Variants in SCD5 observed in about 807,000 individuals in gnomAD.
The protein encoded by SCD5 is stearoyl-CoA desaturase 5, also known as acyl-CoA-desaturase 4.
Under a neutral mutation model 30.4 loss-of-function variants are expected in SCD5, and 20 were observed. The observed-to-expected ratio is 0.66, with a 90% CI of 0.46 to 0.96. The LOEUF (loss-of-function observed/expected upper bound fraction) is 0.96. SCD5 is among the 40% of genes least tolerant of loss of function. The pLI, the probability that SCD5 is intolerant of heterozygous loss-of-function variation, is 0.00. For synonymous variants in SCD5, 173 were observed against 176.4 expected, an observed-to-expected ratio of 0.98 and a Z score of 0.16; for missense variants, 381 against 443.3, an observed-to-expected ratio of 0.86 and a Z score of 1.26.
At chr4:82,785,667 G>A (rs879924320) in intron 1 of SCD5, among the ~76,000 whole-genome samples, 1 of 152,148 alleles carries the variant, frequency 6.6e-6, no homozygotes, top group African/African-American at 2.4e-5. Flanking sequence ...AAAATGACAA[G>A]GGGTGGAGAG....
chr4:82,770,932 C>T (rs1468375267), intron 1 of SCD5, among the ~76,000 whole-genome samples: 1 of 152,204 alleles, frequency 6.6e-6, no homozygotes, highest in Non-Finnish European at 1.5e-5. Flanking sequence ...CAGTAGCCCA[C>T]AGTAATAGCT....
intron 1 of SCD5, among the ~76,000 whole-genome samples, chr4:82,706,704 T>C (rs1719977959): frequency 6.6e-6 from 1 of 152,236 alleles, no homozygotes; most frequent in Non-Finnish European, 1.5e-5. Flanking sequence ...ATAGCAAATC[T>C]TGAGGCCAAG....
chr4:82,674,730 C>G (rs1197984185), intron 3 of SCD5, among the ~76,000 whole-genome samples: 4 of 152,134 alleles, frequency 2.6e-5, no homozygotes, highest in Admixed American at 2.6e-4. Flanking sequence ...ATGTCCTCCA[C>G]TGGGTGAATG....
chr4:82,678,882 C>T (rs183493789), intron 3 of SCD5, among the ~76,000 whole-genome samples: 30 of 152,194 alleles, frequency 2.0e-4, no homozygotes, highest in African/African-American at 6.5e-4. Flanking sequence ...AAATCAACGT[C>T]AATAAATCAT....
At chr4:82,747,074 C>CCCCCCA (rs796695522) in intron 1 of SCD5, among the ~76,000 whole-genome samples, 1 of 149,062 alleles carries the variant, frequency 6.7e-6, no homozygotes, top group Non-Finnish European at 1.5e-5. Flanking sequence ...AACCTGCCCC[C>CCCCCCA]CAAGAAAGAC....
chr4:82,698,596 C>T (rs1719748180), intron 2 of SCD5, among the ~76,000 whole-genome samples: 1 of 152,230 alleles, frequency 6.6e-6, no homozygotes, highest in Non-Finnish European at 1.5e-5. Context: ...CTGACAGAGC[C>T]TTGCACTGAT....
intron 3 of SCD5, among the ~76,000 whole-genome samples, chr4:82,650,695 C>CA (rs569614575): frequency 1.5e-4 from 22 of 143,266 alleles, no homozygotes; most frequent in Middle Eastern, 3.7e-3. Flanking sequence ...GAACTTGTGT[C>CA]AAAAAAAAAA....
chr4:82,685,486 G>A (rs1007431284), intron 2 of SCD5, among the ~76,000 whole-genome samples: 1 of 152,132 alleles, frequency 6.6e-6, no homozygotes, highest in Non-Finnish European at 1.5e-5. Flanking sequence ...GCCGAGGTGG[G>A]CGAACCACCT....
At chr4:82,680,142 T>A (rs1441622358) in intron 3 of SCD5, among the ~76,000 whole-genome samples, 1 of 152,196 alleles carries the variant, frequency 6.6e-6, no homozygotes, top group Non-Finnish European at 1.5e-5. Context: ...GCTGGCCGAC[T>A]GGGTATGCTC....
chr4:82,736,705 C>T (rs567802776), intron 1 of SCD5, among the ~76,000 whole-genome samples: 21 of 152,050 alleles, frequency 1.4e-4, no homozygotes, highest in Non-Finnish European at 1.8e-4. Flanking sequence ...TGCTCTGTTG[C>T]CCAGGCTGGA....
chr4:82,794,946 C>T lies in SCD5; in HGVS notation c.232+3360G>A, dbSNP rs72662839. 5.4e-4 allele frequency among the ~76,000 whole-genome samples: 82 copies of T among 152,234 alleles called. 1 individual carries two copies. The highest frequency in any genetic ancestry group is 1.5e-3 in the Admixed American group (23 of 15,294). ...GATTATAGGCGTGAGCCACCATGCC[C>T]GGCCGCTTTCTGTCCTTGAAAGTCA... is the stretch of plus-strand genomic sequence containing the variant. On this transcript the variant is annotated intron_variant, in intron 1 of 4. Coordinates refer to ENST00000319540, the MANE Select transcript of SCD5 (RefSeq NM_001037582.3).
chr4:82,709,030 T>C (rs1295018059), intron 1 of SCD5, among the ~76,000 whole-genome samples: 1 of 152,164 alleles, frequency 6.6e-6, no homozygotes, highest in Non-Finnish European at 1.5e-5. Flanking sequence ...GATCTCCATC[T>C]TACAGATGAA....
chr4:82,679,221 A>AAGAGAGAAAGG, intron 3 of SCD5, among the ~76,000 whole-genome samples: 1 of 1,774 alleles, frequency 5.6e-4, no homozygotes, highest in African/African-American at 3.5e-3. Flanking sequence ...AAAAGAAAGA[A>AAGAGAGAAAGG]AAGAAAGAAA....
At chr4:82,660,678 G>T (rs1478804402) in intron 3 of SCD5, 10 of 1,412,750 alleles carry the variant, frequency 7.1e-6, no homozygotes, top group South Asian at 6.3e-5. Flanking sequence ...AAATCTTTTT[G>T]ATTTTAGGAC....
At chr4:82,690,999 A>G (rs7692064) in intron 2 of SCD5, among the ~76,000 whole-genome samples, 121,343 of 151,800 alleles carry the variant, frequency 0.8, 48,708 homozygotes, top group Middle Eastern at 0.87. Flanking sequence ...TATAGGCAAG[A>G]CCATTTGTTT....
At chr4:82,779,329 A>C (rs983963612) in intron 1 of SCD5, among the ~76,000 whole-genome samples, 9 of 152,120 alleles carry the variant, frequency 5.9e-5, no homozygotes, top group African/African-American at 2.2e-4. Flanking sequence ...AGATGGAGGA[A>C]GGGCCCATCA....
At position 82,636,937 on chromosome 4, in the gene SCD5, G is replaced by A. The variant is rs188666558; in HGVS notation, c.570-114C>T. 133 of 838,158 alleles carry A rather than the reference G, an allele frequency of 1.6e-4. 1 individual carries two copies. In the East Asian group the frequency reaches 3.4e-3, roughly 22 times the overall value. The allele number at this position is 838,158 out of a possible 1,614,324, so 51.9% of individuals were successfully genotyped here. On this transcript the variant is annotated intron_variant, in intron 3 of 4. Transcript: ENST00000319540. ...CCCAGGGAGAGAACTGTGCCAGTCAGCTCCTTCAACGCTTTCTATATGTGG... is the reference window on the plus strand; with the variant it reads ...CCCAGGGAGAGAACTGTGCCAGTCAACTCCTTCAACGCTTTCTATATGTGG...
At chr4:82,790,730 T>C (rs548464156) in intron 1 of SCD5, among the ~76,000 whole-genome samples, 43 of 152,220 alleles carry the variant, frequency 2.8e-4, no homozygotes, top group Non-Finnish European at 5.9e-4. Context: ...GTAATAAATA[T>C]TGTTGAATAA....
intron 3 of SCD5, among the ~76,000 whole-genome samples, chr4:82,667,299 C>T (rs528583177): frequency 5.3e-5 from 8 of 152,236 alleles, no homozygotes; most frequent in African/African-American, 1.4e-4. Flanking sequence ...CACGCACGCA[C>T]GCATGCAAAT....
Sources: gnomAD v4.1 joint callset for allele counts (sites outside exome capture counted in the v4.1 genomes callset) on GRCh38, gnomAD v4.1.1 for gene constraint, MANE v1.5 for transcripts, NCBI Gene and HGNC (gene_info 2026-07-23, HGNC 2026-07-21) for gene names.